Variants in TBC1D5 observed in about 807,000 individuals in gnomAD.
TBC1D5 encodes the protein TBC1 domain family, member 5.
In TBC1D5, 75 loss-of-function variants were observed where a neutral mutation model predicts 100.3. The observed-to-expected ratio is 0.75, with a 90% CI of 0.62 to 0.91. The LOEUF (loss-of-function observed/expected upper bound fraction) is 0.91, where lower values mean the gene tolerates loss of function less well. Ranked by LOEUF, TBC1D5 falls within the 40% of genes least tolerant of loss-of-function variation. TBC1D5 has a pLI of 0.00. For synonymous variants in TBC1D5, 323 were observed against 325.6 expected (o/e 0.99, Z 0.09); for missense variants, 910 against 942.4 (o/e 0.97, Z 0.45).
chr3:17,554,846 C>CT (rs200947542), intron 2 of TBC1D5, among the ~76,000 whole-genome samples: 141 of 144,636 alleles, frequency 9.7e-4, no homozygotes, highest in African/African-American at 2.1e-3. Context: ...AATATCTGTG[C>CT]TTTTTTTTTT....
chr3:17,620,598 C>G (rs1006270353), intron 2 of TBC1D5, among the ~76,000 whole-genome samples: 1 of 152,070 alleles, frequency 6.6e-6, no homozygotes, highest in Admixed American at 6.6e-5. Flanking sequence ...AATAAGACAA[C>G]ATAAATATCT....
chr3:17,594,212 C>T (rs2060418152), intron 2 of TBC1D5, among the ~76,000 whole-genome samples: 1 of 152,158 alleles, frequency 6.6e-6, no homozygotes, highest in African/African-American at 2.4e-5. Context: ...ATGACCTGGA[C>T]TATCAAGATG....
In TBC1D5 at chr3:17,238,147, T is replaced by C. The variant is rs1433741837; in HGVS notation, c.1588+16A>G. On this transcript the variant is annotated intron_variant, in intron 17 of 21. Coordinates refer to ENST00000253692, the Ensembl canonical transcript of TBC1D5. ...CCATGAATGTTTTCTTTAGATTTAC[T>C]AGTATTTTTTCCTACCTTTGTTCAA... 1.1e-5 allele frequency: 17 copies of C among 1,607,942 alleles called. No individual in the cohort carries two copies. Among genetic ancestry groups the C allele is most frequent in the African/African-American group, 1.3e-5 (1 of 74,768 alleles).
chr3:17,508,288 T>G (rs544949907), intron 3 of TBC1D5, among the ~76,000 whole-genome samples, 186 bp downstream of exon 3: 29 of 152,326 alleles, frequency 1.9e-4, no homozygotes, highest in Admixed American at 1.6e-3. Context: ...TGAATAACTG[T>G]GGCTTGTTGA....
At chr3:17,638,055 G>T (rs2064124952) in intron 1 of TBC1D5, among the ~76,000 whole-genome samples, 1 of 151,908 alleles carries the variant, frequency 6.6e-6, no homozygotes, top group East Asian at 1.9e-4. Flanking sequence ...CACAATTATT[G>T]ACAATAATTG....
chr3:17,636,186 CA>C (rs1194905228), intron 1 of TBC1D5, among the ~76,000 whole-genome samples: 5 of 150,240 alleles, frequency 3.3e-5, no homozygotes, highest in Non-Finnish European at 5.9e-5. Flanking sequence ...AACTCCATAT[CA>C]AGAAAAAAAA....
chr3:17,674,633 C>T (rs970418536), intron 1 of TBC1D5, among the ~76,000 whole-genome samples: 5 of 152,068 alleles, frequency 3.3e-5, no homozygotes, highest in African/African-American at 1.2e-4. Flanking sequence ...GGTTCCTAGA[C>T]AACATTTTTA....
At position 17,207,641 on chromosome 3, in the gene TBC1D5, GATAGGCTGTGGATT is replaced by G. The variant is rs565396145; in HGVS notation, c.1752+6552_1752+6565del. On this transcript the variant is annotated intron_variant, in intron 18 of 21. Transcript: ENST00000253692. ...TGATACTTCCTTTTTATCTAAAGAAGATAGGCTGTGGATTATAGAAAGGGTATGTGTGATACATA... is the reference window on the plus strand; with the variant it reads ...TGATACTTCCTTTTTATCTAAAGAAGATAGAAAGGGTATGTGTGATACATA... Among the ~76,000 whole-genome samples the G allele has an allele frequency of 3.0e-3, 464 of 152,272 alleles. 1 individual carries two copies. The highest frequency in any genetic ancestry group is 4.8e-3 in the Non-Finnish European group (326 of 68,024).
In TBC1D5 at chr3:17,207,355, G is replaced by C. The variant is rs377542399; in HGVS notation, c.1752+6852C>G. Among the ~76,000 whole-genome samples the C allele has an allele frequency of 4.6e-5, 7 of 152,106 alleles. No homozygotes were observed. In the East Asian group the frequency reaches 1.3e-3, roughly 29 times the overall value. On this transcript the variant is annotated intron_variant, in intron 18 of 21. Transcript: ENST00000253692. ...CATTTATATTATCATGTAAAATAAA[G>C]CATAAAATTAAAAGTATCAAAATGT...
At chr3:17,204,937 C>T (rs989038475) in intron 18 of TBC1D5, among the ~76,000 whole-genome samples, 1 of 152,170 alleles carries the variant, frequency 6.6e-6, no homozygotes, top group Non-Finnish European at 1.5e-5. Context: ...GGAAAGAACT[C>T]TCTCACAAAG....
chr3:17,736,237 T>C (rs923524037), intron 1 of TBC1D5, among the ~76,000 whole-genome samples: 17 of 152,154 alleles, frequency 1.1e-4, no homozygotes, highest in African/African-American at 3.4e-4. Context: ...CCAGCCTGAG[T>C]AACAGAGTGA....
At chr3:17,334,332 A>C (rs536569169) in intron 13 of TBC1D5, among the ~76,000 whole-genome samples, 49 of 152,262 alleles carry the variant, frequency 3.2e-4, no homozygotes, top group African/African-American at 1.2e-3. Flanking sequence ...AATTGATGTT[A>C]ATTATCAGAC....
intron 10 of TBC1D5, among the ~76,000 whole-genome samples, chr3:17,374,914 C>G (rs943336388): frequency 6.6e-6 from 1 of 152,046 alleles, no homozygotes; most frequent in Non-Finnish European, 1.5e-5. Flanking sequence ...TCTAATTATT[C>G]CAAATAAATA....
intron 3 of TBC1D5, among the ~76,000 whole-genome samples, chr3:17,474,900 T>C (rs1015384852): frequency 2.6e-5 from 4 of 152,050 alleles, no homozygotes; most frequent in African/African-American, 9.7e-5. Context: ...CAAAGCCCAG[T>C]TGCATTACTT....
At chr3:17,477,212 A>G (rs1285417159) in intron 3 of TBC1D5, among the ~76,000 whole-genome samples, 2 of 151,968 alleles carry the variant, frequency 1.3e-5, no homozygotes, top group African/African-American at 4.8e-5. Flanking sequence ...TTCCCTAAGT[A>G]CTAACCTTGC....
intron 2 of TBC1D5, among the ~76,000 whole-genome samples, chr3:17,517,466 C>A (rs1303373462): frequency 6.6e-6 from 1 of 152,052 alleles, no homozygotes; most frequent in Non-Finnish European, 1.5e-5. Flanking sequence ...ACAAAGTTAA[C>A]CATCCATAAA....
intron 15 of TBC1D5, among the ~76,000 whole-genome samples, chr3:17,282,165 G>C (rs1424113653): frequency 6.6e-6 from 1 of 152,152 alleles, no homozygotes; most frequent in African/African-American, 2.4e-5. Context: ...CTGAATTTAA[G>C]GCAGCAAAAG....
chr3:17,362,862 C>T (rs1192076798), intron 13 of TBC1D5, among the ~76,000 whole-genome samples: 1 of 152,158 alleles, frequency 6.6e-6, no homozygotes, highest in Non-Finnish European at 1.5e-5. Context: ...CCTCAGTACC[C>T]AGCAGTTTTC....
chr3:17,175,357 C>G (rs769189137), intron 19 of TBC1D5, among the ~76,000 whole-genome samples: 2 of 152,194 alleles, frequency 1.3e-5, no homozygotes, highest in Non-Finnish European at 2.9e-5. Flanking sequence ...AGTTCTGAAT[C>G]TTTACTGATC....
Sources: allele counts gnomAD v4.1 joint callset (sites outside exome capture counted in the v4.1 genomes callset), GRCh38; gene constraint gnomAD v4.1.1; transcripts MANE v1.5; gene names NCBI Gene and HGNC (gene_info 2026-07-23, HGNC 2026-07-21).